PDE4B: variants seen among roughly 807,000 people sequenced by gnomAD.
The protein encoded by PDE4B is 3',5'-cyclic-AMP phosphodiesterase 4B.
PDE4B carries 20 observed loss-of-function variants against 82.2 expected under a neutral mutation model. The ratio of observed to expected loss-of-function variants is 0.24; its 90% confidence interval spans 0.17 to 0.35. The LOEUF is 0.35. Among genes scored for constraint, PDE4B ranks in the 10% least tolerant of loss-of-function variants. PDE4B has a pLI of 1.00. For synonymous variants in PDE4B, 320 were observed against 318.9 expected (o/e 1.00, Z -0.04); for missense variants, 655 against 907.2 (o/e 0.72, Z 3.57).
intron 3 of PDE4B, among the ~76,000 whole-genome samples, chr1:66,107,325 T>G (rs933801274): frequency 2.6e-5 from 4 of 152,074 alleles, no homozygotes; most frequent in Admixed American, 2.6e-4. Context: ...ATTTCTGATC[T>G]TTCATTCATT....
chr1:66,180,596 T>C (rs1033279491), intron 3 of PDE4B, among the ~76,000 whole-genome samples: 2 of 151,966 alleles, frequency 1.3e-5, no homozygotes, highest in Non-Finnish European at 2.9e-5. Flanking sequence ...AAAGAGAAAA[T>C]TAATTCAAAA....
chr1:66,300,181 G>A (rs115375893), intron 7 of PDE4B, among the ~76,000 whole-genome samples: 147 of 152,236 alleles, frequency 9.7e-4, no homozygotes, highest in African/African-American at 3.4e-3. Context: ...GGCATCAAAA[G>A]CCAATAGCTG....
intron 12 of PDE4B, among the ~76,000 whole-genome samples, chr1:66,365,065 A>G (rs1052509774): frequency 2.6e-5 from 4 of 152,188 alleles, no homozygotes; most frequent in African/African-American, 9.6e-5. Flanking sequence ...CATGACATGA[A>G]GGAATTCAGC....
intron 1 of PDE4B, among the ~76,000 whole-genome samples, chr1:65,823,620 C>G (rs1401479912): frequency 6.6e-6 from 1 of 152,044 alleles, no homozygotes; most frequent in Non-Finnish European, 1.5e-5. Context: ...TTCATCTGAC[C>G]ATTTTCTTCT....
chr1:66,335,522 A>G (rs1660453208), intron 8 of PDE4B, among the ~76,000 whole-genome samples: 1 of 152,112 alleles, frequency 6.6e-6, no homozygotes. Flanking sequence ...AGTGATTCAA[A>G]TCTCCTAAAA....
chr1:66,282,395 A>T (rs954345100), intron 7 of PDE4B, among the ~76,000 whole-genome samples: 1 of 152,172 alleles, frequency 6.6e-6, no homozygotes, highest in East Asian at 1.9e-4. Context: ...TGTGGGAGAC[A>T]TATCTCCAGT....
rs771931650 is a variant in PDE4B at position 65,847,043 on chromosome 1, A to C, written c.-71+53795A>C. On this transcript the variant is annotated intron_variant, in intron 1 of 16. Transcript: ENST00000341517. ...CATTATCTGTTGTAGATTTAAAAAAACCTGTTTTCTGCTAACAGTCATAAC... is the reference window on the plus strand; with the variant it reads ...CATTATCTGTTGTAGATTTAAAAAACCCTGTTTTCTGCTAACAGTCATAAC... 4.6e-5 allele frequency among the ~76,000 whole-genome samples: 7 copies of C among 152,320 alleles called. No homozygotes were observed. The South Asian group carries it at 1.4e-3, about 32-fold the overall frequency.
chr1:65,949,065 G>A (rs1369695652), intron 3 of PDE4B, among the ~76,000 whole-genome samples: 1 of 152,024 alleles, frequency 6.6e-6, no homozygotes, highest in Non-Finnish European at 1.5e-5. Context: ...TGAACTTGCT[G>A]TGGATTATAG....
intron 1 of PDE4B, among the ~76,000 whole-genome samples, chr1:65,892,701 A>C (rs1646865650): frequency 6.6e-6 from 1 of 151,992 alleles, no homozygotes; most frequent in Non-Finnish European, 1.5e-5. Context: ...CTCCCTGTAC[A>C]TCAGCTCTTT....
intron 6 of PDE4B, among the ~76,000 whole-genome samples, chr1:66,261,816 T>G (rs535234016): frequency 6.6e-6 from 1 of 152,306 alleles, no homozygotes; most frequent in South Asian, 2.1e-4. Context: ...GTCCCAGGAG[T>G]TAATTTTGAA....
intron 1 of PDE4B, among the ~76,000 whole-genome samples, chr1:65,864,911 TC>T (rs1646494285): frequency 6.6e-6 from 1 of 152,118 alleles, no homozygotes; most frequent in South Asian, 2.1e-4. Flanking sequence ...AGAATCCACC[TC>T]ATCAGTATCA....
intron 13 of PDE4B, 186 bp from the exon 14 acceptor site, chr1:66,367,510 T>C (rs917771957): frequency 1.7e-5 from 9 of 521,934 alleles, no homozygotes; most frequent in Admixed American, 1.1e-4. Flanking sequence ...AGTAGAAGCA[T>C]TTTTTGCTTA....
intron 3 of PDE4B, among the ~76,000 whole-genome samples, chr1:66,223,916 A>G (rs11579350): frequency 0.49 from 73,835 of 152,040 alleles, 19,091 homozygotes; most frequent in South Asian, 0.64. Context: ...TCCGTGACAA[A>G]TGGTGGCATC....
chr1:66,168,320 A>G (rs1239104348), intron 3 of PDE4B, among the ~76,000 whole-genome samples: 3 of 152,174 alleles, frequency 2.0e-5, no homozygotes, highest in Admixed American at 6.5e-5. Flanking sequence ...TAATAAATAT[A>G]TGGTATATTA....
chr1:65,993,079 T>A (rs144055593), intron 3 of PDE4B: 192 of 1,613,912 alleles, frequency 1.2e-4, no homozygotes, highest in Admixed American at 4.0e-4. Flanking sequence ...CCATGCTTTT[T>A]CAGAAAGTTG....
At chr1:66,348,681 G>C (rs898541166) in intron 8 of PDE4B, among the ~76,000 whole-genome samples, 1 of 148,776 alleles carries the variant, frequency 6.7e-6, no homozygotes, top group Non-Finnish European at 1.5e-5. Flanking sequence ...AAAAAAAAAA[G>C]ATAAAGAAAA....
intron 1 of PDE4B, among the ~76,000 whole-genome samples, chr1:65,860,769 G>A (rs1646445498): frequency 6.6e-6 from 1 of 152,106 alleles, no homozygotes; most frequent in African/African-American, 2.4e-5. Context: ...TCTCATTGTG[G>A]TTTTGATTTG....
At chr1:65,834,963 C>T (rs1032705503) in intron 1 of PDE4B, among the ~76,000 whole-genome samples, 6 of 152,158 alleles carry the variant, frequency 3.9e-5, no homozygotes, top group African/African-American at 7.2e-5. Context: ...TATTTACCAG[C>T]ACACCACTCT....
chr1:65,901,815 A>G (rs573554035), intron 1 of PDE4B, among the ~76,000 whole-genome samples: 5 of 151,890 alleles, frequency 3.3e-5, no homozygotes, highest in African/African-American at 7.2e-5. Flanking sequence ...GATTTGAGTT[A>G]TGTTTTTTCT....
Sources: gnomAD v4.1 joint callset for allele counts (sites outside exome capture counted in the v4.1 genomes callset) on GRCh38, gnomAD v4.1.1 for gene constraint, MANE v1.5 for transcripts, NCBI Gene and HGNC (gene_info 2026-07-23, HGNC 2026-07-21) for gene names.